Variants in MAGI2 observed in about 807,000 individuals in gnomAD.
MAGI2 encodes the protein membrane-associated guanylate kinase, WW and PDZ domain-containing protein 2.
In MAGI2, 35 loss-of-function variants were observed where a neutral mutation model predicts 133.3. The observed-to-expected ratio is 0.26, with a 90% confidence interval of 0.20 to 0.35. MAGI2 has a LOEUF of 0.35. MAGI2 is among the 10% of genes least tolerant of loss of function. MAGI2 has a pLI of 1.00. For missense variants in MAGI2, 1,636 were observed against 1,863.4 expected, an observed-to-expected ratio of 0.88 and a Z score of 2.25; for synonymous variants, 729 against 710.6, an observed-to-expected ratio of 1.03 and a Z score of -0.41.
intron 3 of MAGI2, among the ~76,000 whole-genome samples, chr7:78,603,422 C>G (rs1185149052): frequency 1.3e-5 from 2 of 152,274 alleles, no homozygotes; most frequent in East Asian, 1.9e-4. Flanking sequence ...GATGAGACAA[C>G]AAGACCTGTA....
intron 2 of MAGI2, among the ~76,000 whole-genome samples, chr7:78,772,829 A>G (rs1825697630): frequency 6.6e-6 from 1 of 152,266 alleles, no homozygotes; most frequent in South Asian, 2.1e-4. Context: ...AAGTCGGCTT[A>G]GGCAAATTTA....
intron 1 of MAGI2, among the ~76,000 whole-genome samples, chr7:79,448,819 A>T (rs1452954838): frequency 5.3e-5 from 8 of 152,188 alleles, no homozygotes; most frequent in Non-Finnish European, 1.5e-5. Flanking sequence ...ACATGCCAAA[A>T]GATTAAACAG....
At chr7:78,752,611 A>G (rs1163778427) in intron 2 of MAGI2, among the ~76,000 whole-genome samples, 1 of 152,230 alleles carries the variant, frequency 6.6e-6, no homozygotes, top group Non-Finnish European at 1.5e-5. Flanking sequence ...TCAAAAAAAT[A>G]AAATCTCATC....
At chr7:78,912,400 G>A (rs762567543) in intron 2 of MAGI2, among the ~76,000 whole-genome samples, 31 of 152,112 alleles carry the variant, frequency 2.0e-4, no homozygotes, top group Non-Finnish European at 4.1e-4. Context: ...ATTGATCCTG[G>A]ATGTGTCTGT....
chr7:78,689,737 A>G, intron 2 of MAGI2, among the ~76,000 whole-genome samples: 1 of 98,958 alleles, frequency 1.0e-5, no homozygotes. Flanking sequence ...AAATTTATCC[A>G]TGCTGTTATA....
chr7:78,180,176 A>G (rs554662932), intron 13 of MAGI2, among the ~76,000 whole-genome samples: 1 of 152,346 alleles, frequency 6.6e-6, no homozygotes, highest in South Asian at 2.1e-4. Flanking sequence ...GACACTTAAA[A>G]TGATAGAGCC....
chr7:78,474,088 G>GAAA, intron 6 of MAGI2, among the ~76,000 whole-genome samples: 1 of 151,932 alleles, frequency 6.6e-6, no homozygotes, highest in Non-Finnish European at 1.5e-5. Context: ...GTGTGTTTTA[G>GAAA]GCTTTACAGT....
chr7:78,361,742 A>G (rs1792833884), intron 7 of MAGI2, among the ~76,000 whole-genome samples: 1 of 152,212 alleles, frequency 6.6e-6, no homozygotes, highest in South Asian at 2.1e-4. Flanking sequence ...GATAAGATGT[A>G]AGAGTCGCTA....
chr7:79,162,976 C>A (rs1171191468), intron 1 of MAGI2, among the ~76,000 whole-genome samples: 1 of 151,934 alleles, frequency 6.6e-6, no homozygotes, highest in Admixed American at 6.6e-5. Context: ...AATTAACTGA[C>A]TATAAGTCCC....
intron 18 of MAGI2, among the ~76,000 whole-genome samples, chr7:78,128,472 T>A (rs1821219552): frequency 6.6e-6 from 1 of 152,074 alleles, no homozygotes; most frequent in South Asian, 2.1e-4. Flanking sequence ...TTGGAGGGTA[T>A]GAGGAATTGA....
chr7:78,324,327 G>C (rs1241983619), intron 9 of MAGI2, among the ~76,000 whole-genome samples: 1 of 152,030 alleles, frequency 6.6e-6, no homozygotes, highest in Admixed American at 6.6e-5. Flanking sequence ...CCACCAACCA[G>C]AGCCTGAGAG....
chr7:79,285,339 C>T (rs550338921), intron 1 of MAGI2, among the ~76,000 whole-genome samples: 4 of 152,038 alleles, frequency 2.6e-5, no homozygotes, highest in Admixed American at 2.0e-4. Context: ...TTTTCAAATC[C>T]GAGTTTTGTT....
chr7:78,418,969 A>T (rs1223273595), intron 6 of MAGI2, among the ~76,000 whole-genome samples: 1 of 152,146 alleles, frequency 6.6e-6, no homozygotes, highest in South Asian at 2.1e-4. Flanking sequence ...TCAGCAAGAA[A>T]TTGCCCCTGC....
chr7:79,039,175 A>T (rs950601385), intron 1 of MAGI2, among the ~76,000 whole-genome samples: 14 of 151,822 alleles, frequency 9.2e-5, no homozygotes, highest in African/African-American at 3.4e-4. Flanking sequence ...ATGAGATCTG[A>T]TGGTTTTATA....
intron 1 of MAGI2, among the ~76,000 whole-genome samples, chr7:79,313,225 A>G (rs535133763): frequency 2.2e-4 from 34 of 152,162 alleles, no homozygotes; most frequent in Non-Finnish European, 3.7e-4. Context: ...GGCAATGCAA[A>G]AAATACACAA....
At chr7:78,076,054 G>A (rs1330568326) in intron 21 of MAGI2, among the ~76,000 whole-genome samples, 1 of 152,192 alleles carries the variant, frequency 6.6e-6, no homozygotes, top group African/African-American at 2.4e-5. Flanking sequence ...TAGCAGACAA[G>A]TGCTAATATT....
At chr7:79,075,612 A>C (rs1292649116) in intron 1 of MAGI2, among the ~76,000 whole-genome samples, 1 of 152,006 alleles carries the variant, frequency 6.6e-6, no homozygotes, top group African/African-American at 2.4e-5. Flanking sequence ...AATATATAAA[A>C]ATTAGCCATG....
chr7:78,527,940 C>T (rs747645389), intron 3 of MAGI2, among the ~76,000 whole-genome samples: 1 of 152,126 alleles, frequency 6.6e-6, no homozygotes, highest in Non-Finnish European at 1.5e-5. Context: ...CTTCAAGATA[C>T]CACACAGATT....
chr7:78,046,233 TAAA>T (rs59275049), intron 21 of MAGI2, among the ~76,000 whole-genome samples: 2 of 117,754 alleles, frequency 1.7e-5, no homozygotes. Flanking sequence ...CTGTCTCTAC[TAAA>T]AAAAAAAAAA....
Sources: gnomAD v4.1 joint callset for allele counts (sites outside exome capture counted in the v4.1 genomes callset) on GRCh38, gnomAD v4.1.1 for gene constraint, MANE v1.5 for transcripts, NCBI Gene and HGNC (gene_info 2026-07-23, HGNC 2026-07-21) for gene names.